GNA12: variants seen among roughly 807,000 people sequenced by gnomAD.
GNA12 encodes the protein G protein subunit alpha 12.
A neutral mutation model predicts 26.0 loss-of-function variants in GNA12; 9 were observed. The ratio of observed to expected loss-of-function variants is 0.35; its 90% CI spans 0.21 to 0.60. GNA12 has a LOEUF of 0.60. Among genes scored for constraint, GNA12 ranks in the 20% least tolerant of loss-of-function variants. The probability of loss-of-function intolerance (pLI) is 0.78; values close to 1 mark genes in which losing one functional copy is unlikely to be tolerated. For synonymous variants in GNA12, 264 were observed against 219.6 expected, an observed-to-expected ratio of 1.20 and a Z score of -1.79; for missense variants, 405 against 525.8, an observed-to-expected ratio of 0.77 and a Z score of 2.25.
chr7:2,734,079 G>C (rs1264295634), intron 2 of GNA12, among the ~76,000 whole-genome samples: 1 of 152,198 alleles, frequency 6.6e-6, no homozygotes, highest in Non-Finnish European at 1.5e-5. Context: ...GATTGTTGTG[G>C]TGGAATGATG....
chr7:2,795,731 G>A (rs1792651709), intron 1 of GNA12, among the ~76,000 whole-genome samples: 1 of 151,570 alleles, frequency 6.6e-6, no homozygotes, highest in Non-Finnish European at 1.5e-5. Flanking sequence ...CAAAGCTACT[G>A]GAAAAAAGAC....
intron 1 of GNA12, among the ~76,000 whole-genome samples, chr7:2,829,534 C>T (rs1793555623): frequency 6.6e-6 from 1 of 152,138 alleles, no homozygotes; most frequent in African/African-American, 2.4e-5. Flanking sequence ...TCTATTACTT[C>T]TGCCATTTCC....
intron 2 of GNA12, among the ~76,000 whole-genome samples, chr7:2,738,213 G>A (rs1355509284): frequency 4.6e-5 from 7 of 151,914 alleles, no homozygotes; most frequent in East Asian, 1.9e-4. Context: ...TCAGGAGTTC[G>A]AGACAAGCCT....
At chr7:2,794,004 C>T (rs762392308) in intron 2 of GNA12, among the ~76,000 whole-genome samples, 1 of 151,916 alleles carries the variant, frequency 6.6e-6, no homozygotes, top group Non-Finnish European at 1.5e-5. Context: ...GAGCATCAGA[C>T]AGCAGTGAAA....
chr7:2,830,714 G>C (rs887328757), intron 1 of GNA12, among the ~76,000 whole-genome samples: 1 of 152,174 alleles, frequency 6.6e-6, no homozygotes, highest in African/African-American at 2.4e-5. Flanking sequence ...TCAGAGTAAA[G>C]CCCAACCTGA....
intron 2 of GNA12, among the ~76,000 whole-genome samples, chr7:2,759,303 C>T (rs1298408840): frequency 6.6e-6 from 1 of 152,134 alleles, no homozygotes; most frequent in Non-Finnish European, 1.5e-5. Context: ...CAAAAGGAAA[C>T]AAAGCGCTAG....
chr7:2,774,508 G>A (rs966711037), intron 2 of GNA12, among the ~76,000 whole-genome samples: 1 of 152,162 alleles, frequency 6.6e-6, no homozygotes, highest in African/African-American at 2.4e-5. Flanking sequence ...AGTGTGCAGG[G>A]AGCAGCAGGA....
intron 2 of GNA12, among the ~76,000 whole-genome samples, chr7:2,746,132 A>G (rs1020840481): frequency 8.5e-5 from 13 of 152,176 alleles, no homozygotes; most frequent in African/African-American, 3.1e-4. Context: ...GTTAACAAGG[A>G]TACCCAGGAA....
At chr7:2,770,204 T>A (rs1791913413) in intron 2 of GNA12, among the ~76,000 whole-genome samples, 1 of 152,216 alleles carries the variant, frequency 6.6e-6, no homozygotes, top group Non-Finnish European at 1.5e-5. Context: ...ATAAACAGGA[T>A]AACCATATGC....
intron 1 of GNA12, among the ~76,000 whole-genome samples, chr7:2,842,787 G>A (rs2533877): frequency 0.24 from 37,253 of 152,088 alleles, 5,211 homozygotes; most frequent in East Asian, 0.34. Flanking sequence ...ATGGTACTGC[G>A]GTTGTGTTTT....
chr7:2,836,944 T>C (rs1335196012), intron 1 of GNA12, among the ~76,000 whole-genome samples: 2 of 151,802 alleles, frequency 1.3e-5, no homozygotes. Context: ...AAAAAACAAA[T>C]ACAAGAGAAA....
At chr7:2,790,052 C>CT (rs1792478405) in intron 2 of GNA12, among the ~76,000 whole-genome samples, 1 of 152,194 alleles carries the variant, frequency 6.6e-6, no homozygotes, top group Non-Finnish European at 1.5e-5. Flanking sequence ...CAGCCTCTGG[C>CT]TGAGCAAGCT....
intron 2 of GNA12, among the ~76,000 whole-genome samples, chr7:2,767,297 C>G (rs1209074003): frequency 6.6e-6 from 1 of 152,184 alleles, no homozygotes; most frequent in Non-Finnish European, 1.5e-5. Context: ...GTATCATACC[C>G]AAGAAATCAC....
chr7:2,745,083 G>A (rs986228208), intron 2 of GNA12, among the ~76,000 whole-genome samples: 1 of 152,180 alleles, frequency 6.6e-6, no homozygotes, highest in Admixed American at 6.5e-5. Flanking sequence ...GAACCAAGTT[G>A]GAAAACACTC....
rs147757709 is a variant in GNA12 at position 2,739,750 on chromosome 7, C to T, written c.526-6249G>A. Among the ~76,000 whole-genome samples, 17 of 152,196 alleles carry T rather than the reference C, an allele frequency of 1.1e-4. No homozygotes were observed. In the East Asian group the frequency reaches 1.9e-3, roughly 17 times the overall value. ...GTGTAGTGGTGCGATCTTGGCTCAC[C>T]GCAACCTCTGCCTCCTGGTTCAAGC... On this transcript the variant is annotated intron_variant, in intron 2 of 3. Transcript: ENST00000275364.
intron 2 of GNA12, among the ~76,000 whole-genome samples, chr7:2,738,415 G>A (rs1037720081): frequency 1.4e-4 from 22 of 152,314 alleles, no homozygotes; most frequent in African/African-American, 5.3e-4. Flanking sequence ...GCAGTCAGGG[G>A]CTACGCACCG....
chr7:2,805,594 G>C (rs1270251517), intron 1 of GNA12, among the ~76,000 whole-genome samples: 1 of 152,232 alleles, frequency 6.6e-6, no homozygotes, highest in African/African-American at 2.4e-5. Context: ...GAAGATGCCT[G>C]GGCTGCCGCC....
intron 2 of GNA12, among the ~76,000 whole-genome samples, chr7:2,790,358 C>T (rs62441397): frequency 6.6e-6 from 1 of 152,188 alleles, no homozygotes; most frequent in African/African-American, 2.4e-5. Context: ...CTCAAGTGAA[C>T]CTCCTACCTC....
intron 2 of GNA12, among the ~76,000 whole-genome samples, chr7:2,761,459 C>T (rs985394008): frequency 1.3e-5 from 2 of 152,160 alleles, no homozygotes; most frequent in Non-Finnish European, 2.9e-5. Context: ...AAGCCTAGTA[C>T]AAATAAAGAA....
Sources: gnomAD v4.1 joint callset for allele counts (sites outside exome capture counted in the v4.1 genomes callset) on GRCh38, gnomAD v4.1.1 for gene constraint, MANE v1.5 for transcripts, NCBI Gene and HGNC (gene_info 2026-07-23, HGNC 2026-07-21) for gene names.